The following LIPA variants were observed in gnomAD, a reference collection of about 807,000 sequenced individuals.
LIPA encodes the protein lipase A, lysosomal acid type.
Under a neutral mutation model 40.6 loss-of-function variants are expected in LIPA, and 26 were observed. The observed-to-expected ratio is 0.64, with a 90% CI of 0.47 to 0.89. The LOEUF (loss-of-function observed/expected upper bound fraction) is 0.89, where lower values mean the gene tolerates loss of function less well. Ranked by LOEUF, LIPA falls within the 40% of genes least tolerant of loss-of-function variation. The pLI is 0.00. For synonymous variants in LIPA, 188 were observed against 168.4 expected (o/e 1.12, Z -0.90); for missense variants, 455 against 479.6 (o/e 0.95, Z 0.48).
intron 2 of LIPA, among the ~76,000 whole-genome samples, chr10:89,410,800 T>C (rs1259364137): frequency 4.6e-5 from 7 of 152,096 alleles, no homozygotes; most frequent in Non-Finnish European, 8.8e-5. Flanking sequence ...GAGGTGGCAG[T>C]CTTACACTGC....
At chr10:89,301,990 A>G in intron 1 of LIPA, 1 of 839,902 alleles carries the variant, frequency 1.2e-6, no homozygotes, top group Non-Finnish European at 1.8e-6. Flanking sequence ...AAGGGAAACA[A>G]ACAAAAAGGA....
upstream of LIPA, among the ~76,000 whole-genome samples, chr10:89,253,691 T>G (rs1843164376): frequency 6.6e-6 from 1 of 152,216 alleles, no homozygotes; most frequent in African/African-American, 2.4e-5. Context: ...AAGTCCATAG[T>G]CCAAAGTCTC....
At chr10:89,388,137 G>A (rs751379252) in intron 2 of LIPA, among the ~76,000 whole-genome samples, 1 of 151,702 alleles carries the variant, frequency 6.6e-6, no homozygotes, top group African/African-American at 2.4e-5. Flanking sequence ...ACAGTGTCTC[G>A]CTCTGTCACC....
chr10:89,250,983 G>A (rs1034408249), intron 1 of LIPA, among the ~76,000 whole-genome samples: 4 of 152,126 alleles, frequency 2.6e-5, no homozygotes, highest in African/African-American at 9.7e-5. Flanking sequence ...AAAGTGCCAC[G>A]TATATATTAG....
intron 2 of LIPA, among the ~76,000 whole-genome samples, chr10:89,408,845 A>G (rs1003957550): frequency 2.0e-5 from 3 of 152,130 alleles, no homozygotes; most frequent in Non-Finnish European, 4.4e-5. Flanking sequence ...TGATAGAATG[A>G]CAGCCCAAGA....
intron 1 of LIPA, among the ~76,000 whole-genome samples, chr10:89,323,217 A>G (rs1210865272): frequency 1.3e-5 from 2 of 152,200 alleles, no homozygotes; most frequent in Non-Finnish European, 2.9e-5. Flanking sequence ...AGATACAGAA[A>G]AGGCTTTTGA....
At chr10:89,300,583 TG>T (rs2133516554) in intron 1 of LIPA, among the ~76,000 whole-genome samples, 1 of 152,304 alleles carries the variant, frequency 6.6e-6, no homozygotes, top group Admixed American at 6.5e-5. Context: ...TTGTGGGGCT[TG>T]GGGAAGCCAA....
At chr10:89,321,871 A>G (rs1035952070) in intron 1 of LIPA, among the ~76,000 whole-genome samples, 1 of 152,248 alleles carries the variant, frequency 6.6e-6, no homozygotes, top group East Asian at 1.9e-4. Flanking sequence ...CATATACACC[A>G]TGGAATACTA....
chr10:89,254,330 C>G (rs980720996), upstream of LIPA, among the ~76,000 whole-genome samples: 2 of 152,208 alleles, frequency 1.3e-5, no homozygotes, highest in African/African-American at 4.8e-5. Context: ...CACCCACAGG[C>G]TCAACACCAC....
chr10:89,307,592 C>T, intron 1 of LIPA: 2 of 462,230 alleles, frequency 4.3e-6, no homozygotes, highest in Non-Finnish European at 7.7e-6. Context: ...GGTAGGTCCA[C>T]GGGCTTGGTG....
At chr10:89,232,917 T>G (rs1355638226) in intron 3 of LIPA, among the ~76,000 whole-genome samples, 1 of 151,864 alleles carries the variant, frequency 6.6e-6, no homozygotes, top group Non-Finnish European at 1.5e-5. Context: ...GGGAGGTGAG[T>G]GTGAAGAAAG....
At position 89,264,900 on chromosome 10, in the gene LIPA, C is replaced by T. The variant is rs575122172; in HGVS notation, c.-1-17251G>A. Among the ~76,000 whole-genome samples, 22 of 152,238 alleles carry T rather than the reference C, an allele frequency of 1.4e-4. No individual in the cohort carries two copies. In the East Asian group the frequency reaches 3.3e-3, roughly 23 times the overall value. ...CCTATCTGCTTCCTGCTGCCATCTGCGTGTCATCCACGGCCCCTGGGCTGT... is the reference window on the plus strand; with the variant it reads ...CCTATCTGCTTCCTGCTGCCATCTGTGTGTCATCCACGGCCCCTGGGCTGT... On this transcript the variant is annotated intron_variant, in intron 1 of 5. Transcript: ENST00000282673.
chr10:89,384,652 C>G (rs763919957), intron 2 of LIPA: 2 of 1,614,134 alleles, frequency 1.2e-6, no homozygotes, highest in South Asian at 2.2e-5. Context: ...TGGGCTTATC[C>G]ACAAATTGAA....
upstream of LIPA, among the ~76,000 whole-genome samples, chr10:89,343,720 G>A (rs1843892150): frequency 6.6e-6 from 1 of 152,096 alleles, no homozygotes; most frequent in Non-Finnish European, 1.5e-5. Flanking sequence ...TAACTTAGAG[G>A]AGCAGGGCCT....
At chr10:89,414,149 A>G (rs1841505195) in intron 1 of LIPA, among the ~76,000 whole-genome samples, 1 of 152,242 alleles carries the variant, frequency 6.6e-6, no homozygotes, top group African/African-American at 2.4e-5. Context: ...AAATGTATAT[A>G]GATTTTAGCT....
chr10:89,359,943 G>A (rs1028036322), intron 2 of LIPA, among the ~76,000 whole-genome samples: 5 of 151,736 alleles, frequency 3.3e-5, no homozygotes, highest in South Asian at 2.1e-4. Context: ...CTCTTATTGC[G>A]TTACCTCAGC....
intron 3 of LIPA, among the ~76,000 whole-genome samples, chr10:89,231,515 C>T (rs1471321258): frequency 1.3e-5 from 2 of 151,644 alleles, no homozygotes; most frequent in Non-Finnish European, 2.9e-5. Flanking sequence ...CTCATTCTAT[C>T]ACCTAGACTG....
chr10:89,264,503 G>A (rs992059166), intron 1 of LIPA, among the ~76,000 whole-genome samples: 1 of 152,052 alleles, frequency 6.6e-6, no homozygotes, highest in Non-Finnish European at 1.5e-5. Context: ...CCACAAGCAG[G>A]TAATCCCAAG....
At chr10:89,361,557 CG>C (rs1248113619) in intron 2 of LIPA, among the ~76,000 whole-genome samples, 1 of 152,068 alleles carries the variant, frequency 6.6e-6, no homozygotes, top group African/African-American at 2.4e-5. Context: ...TCCTGAGAAA[CG>C]AAAGTGTCAT....
Sources: gnomAD v4.1 joint callset for allele counts (sites outside exome capture counted in the v4.1 genomes callset) on GRCh38, gnomAD v4.1.1 for gene constraint, MANE v1.5 for transcripts, NCBI Gene and HGNC (gene_info 2026-07-23, HGNC 2026-07-21) for gene names.